The following MYH11 variants were observed in gnomAD, a reference collection of about 807,000 sequenced individuals.
The protein encoded by MYH11 is myosin heavy chain 11.
MYH11 carries 80 observed loss-of-function variants against 246.6 expected under a neutral mutation model. The ratio of observed to expected loss-of-function variants is 0.32; its 90% CI spans 0.27 to 0.39. The LOEUF (loss-of-function observed/expected upper bound fraction) is 0.39. MYH11 is among the 10% of genes least tolerant of loss of function. MYH11 has a pLI of 1.00. For synonymous variants in MYH11, 1,071 were observed against 1,015.5 expected (o/e 1.05, Z -1.04); for missense variants, 2,158 against 2,546.8 (o/e 0.85, Z 3.29).
intron 5 of MYH11, chr16:15,784,584 C>A: frequency 8.9e-7 from 1 of 1,122,274 alleles, no homozygotes; most frequent in Non-Finnish European, 1.3e-6. Context: ...AACTCTAGGG[C>A]CTACCCCATT....
At chr16:15,840,825 A>G (rs1270323475) in intron 1 of MYH11, among the ~76,000 whole-genome samples, 1 of 152,236 alleles carries the variant, frequency 6.6e-6, no homozygotes, top group Admixed American at 6.5e-5. Flanking sequence ...TTTAAGTTGA[A>G]AAAACTCACT....
intron 28 of MYH11, chr16:15,725,654 T>C (rs565162254): frequency 1.3e-5 from 5 of 399,820 alleles, no homozygotes; most frequent in African/African-American, 1.0e-4. Flanking sequence ...AAAGCCCTGC[T>C]CTCAACTGCA....
intron 20 of MYH11, among the ~76,000 whole-genome samples, chr16:15,744,339 C>T (rs997504350): frequency 2.0e-5 from 3 of 151,834 alleles, no homozygotes; most frequent in East Asian, 1.9e-4. Context: ...TGACTACAGG[C>T]GTTTGCCACC....
chr16:15,712,882 G>GTTTTGTTTTTTTTTTTTTTTTTTTTTT (rs2039887695), intron 40 of MYH11: 2 of 90,636 alleles, frequency 2.2e-5, no homozygotes, highest in East Asian at 7.5e-4. Context: ...TTCACATACA[G>GTTTTGTTTTTTTTTTTTTTTTTTTTTT]TTTTTTTTTT....
At chr16:15,837,883 G>C in intron 2 of MYH11, 25 bp downstream of exon 2, 1 of 1,584,562 alleles carries the variant, frequency 6.3e-7, no homozygotes, top group East Asian at 2.2e-5. Flanking sequence ...CCAGGAGTAG[G>C]TACCTGGCTG....
chr16:15,753,587 A>C, intron 14 of MYH11, 79 bp from the exon 15 acceptor site: 1 of 1,077,764 alleles, frequency 9.3e-7, no homozygotes, highest in Non-Finnish European at 1.4e-6. Flanking sequence ...CAGCCCTCCC[A>C]TTGTCCTTCC....
chr16:15,736,904 G>A (rs1196668057), intron 25 of MYH11, among the ~76,000 whole-genome samples: 1 of 152,160 alleles, frequency 6.6e-6, no homozygotes, highest in Non-Finnish European at 1.5e-5. Context: ...TAGCATTAGT[G>A]TAAATCCAGC....
intron 1 of MYH11, among the ~76,000 whole-genome samples, chr16:15,851,628 C>T (rs181685523): frequency 2.2e-3 from 340 of 152,266 alleles, no homozygotes; most frequent in Admixed American, 8.2e-3. Flanking sequence ...CACATCCCCC[C>T]ACCTCCCAAG....
chr16:15,735,939 C>T (rs556269336), intron 25 of MYH11, among the ~76,000 whole-genome samples: 1 of 152,360 alleles, frequency 6.6e-6, no homozygotes, highest in African/African-American at 2.4e-5. Flanking sequence ...TCTTCCCTGG[C>T]AACTGTCTGT....
intron 3 of MYH11, among the ~76,000 whole-genome samples, chr16:15,811,341 T>C (rs1363154981): frequency 1.3e-5 from 2 of 152,208 alleles, no homozygotes; most frequent in Non-Finnish European, 2.9e-5. Flanking sequence ...CCTCTTCCGT[T>C]ATATGGGGAC....
chr16:15,726,882 C>T lies in MYH11; in HGVS notation c.3824G>A (p.Arg1275Gln), dbSNP rs267606901. 6.2e-6 allele frequency: 10 copies of T among 1,612,128 alleles called. No homozygotes were observed. The East Asian group carries it at 8.9e-5, about 14-fold the overall frequency. ...QSKCSDGERA[R>Q]AELNDKVHKL... Reference sequence around the variant, plus strand: ...GTGGACTTTGTCATTGAGCTCCGCCCGGGCCCGCTCCCCATCGCTGCACTT... The same window carrying T: ...GTGGACTTTGTCATTGAGCTCCGCCTGGGCCCGCTCCCCATCGCTGCACTT... Residue 1275 changes from arginine (R) to glutamine (Q), a missense_variant, in exon 28 of 41, where the codon CGG becomes CAG. Coordinates refer to ENST00000300036, the MANE Select transcript of MYH11 (RefSeq NM_002474.3).
At chr16:15,803,493 T>C (rs1368579515) in intron 3 of MYH11, among the ~76,000 whole-genome samples, 1 of 151,902 alleles carries the variant, frequency 6.6e-6, no homozygotes, top group African/African-American at 2.4e-5. Flanking sequence ...GCCAGGCTGG[T>C]CTCGAACTCC....
chr16:15,771,426 A>G (rs1448537652), intron 9 of MYH11, 143 bp downstream of exon 9: 6 of 1,021,616 alleles, frequency 5.9e-6, no homozygotes, highest in Non-Finnish European at 8.3e-6. Context: ...AATAAAATTC[A>G]TTTTCCTCCT....
chr16:15,713,936 T>C (rs1481619897), intron 40 of MYH11: 1 of 152,252 alleles, frequency 6.6e-6, no homozygotes, highest in African/African-American at 2.4e-5. Flanking sequence ...GAAGACCCCG[T>C]TGGGGACAGA....
At chr16:15,798,779 T>A in intron 3 of MYH11, 92 bp from the exon 4 acceptor site, 1 of 1,324,244 alleles carries the variant, frequency 7.6e-7, no homozygotes, top group Non-Finnish European at 1.1e-6. Flanking sequence ...CCTCCCATTC[T>A]AAAGCTTCTC....
At chr16:15,820,479 A>C (rs1223193960) in intron 3 of MYH11, among the ~76,000 whole-genome samples, 1 of 116,484 alleles carries the variant, frequency 8.6e-6, no homozygotes, top group Non-Finnish European at 2.0e-5. Context: ...CATCCGGAAA[A>C]AAAAAAAAAA....
chr16:15,802,011 G>A (rs1437216599), intron 3 of MYH11, among the ~76,000 whole-genome samples: 1 of 152,080 alleles, frequency 6.6e-6, no homozygotes, highest in African/African-American at 2.4e-5. Flanking sequence ...GAAGTATTGA[G>A]AAAAGGGACA....
At chr16:15,806,006 C>T (rs1342348462) in intron 3 of MYH11, among the ~76,000 whole-genome samples, 4 of 151,940 alleles carry the variant, frequency 2.6e-5, no homozygotes, top group Admixed American at 6.6e-5. Flanking sequence ...CGGCTGGGCA[C>T]GGTGGCTCAC....
At chr16:15,744,693 G>GCTAATTTT (rs2041368828) in intron 20 of MYH11, among the ~76,000 whole-genome samples, 2 of 151,804 alleles carry the variant, frequency 1.3e-5, no homozygotes, top group African/African-American at 2.4e-5. Flanking sequence ...AGTAGAGACA[G>GCTAATTTT]GGTTTTGCCA....
Sources: gnomAD v4.1 joint callset for allele counts (sites outside exome capture counted in the v4.1 genomes callset) on GRCh38, gnomAD v4.1.1 for gene constraint, MANE v1.5 for transcripts, NCBI Gene and HGNC (gene_info 2026-07-23, HGNC 2026-07-21) for gene names.